CASP1: variants seen among roughly 807,000 people sequenced by gnomAD.
CASP1 encodes caspase-1.
Under a neutral mutation model 41.2 loss-of-function variants are expected in CASP1, and 31 were observed. The observed-to-expected ratio is 0.75, with a 90% CI of 0.57 to 1.02. The LOEUF (loss-of-function observed/expected upper bound fraction) is 1.02. Among genes scored for constraint, CASP1 ranks in the 50% least tolerant of loss-of-function variants. The pLI is 0.00. For missense variants in CASP1, 490 were observed against 495.7 expected, an observed-to-expected ratio of 0.99 and a Z score of 0.11; for synonymous variants, 163 against 166.5, an observed-to-expected ratio of 0.98 and a Z score of 0.16.
In CASP1 at chr11:105,026,940, A is replaced by G; in HGVS notation, c.1018T>C (p.Trp340Arg). The change falls in exon 8 of 9, where the codon TGG becomes CGG. Residue 340 changes from tryptophan (W) to arginine (R), a missense_variant. By Grantham distance (101) the Trp-to-Arg change is moderately radical. Coordinates refer to ENST00000533400, the MANE Select transcript of CASP1 (RefSeq NM_001257118.3). ...FCSSTPDNVS[W>R]RHPTMGSVFI... ...ACAGAGCCCATTGTGGGATGTCTCC[A>G]AGAAACATTATCTATGGATAAAGCA... 1.9e-6 allele frequency: 3 copies of G among 1,570,284 alleles called. No individual in the cohort carries two copies. The highest frequency in any genetic ancestry group is 2.6e-6 in the Non-Finnish European group (3 of 1,140,278).
intron 8 of CASP1, 27 bp from the exon 9 acceptor site, chr11:105,026,383 C>A: frequency 6.8e-7 from 1 of 1,473,742 alleles, no homozygotes; most frequent in Admixed American, 1.9e-5. Context: ...AGTCTGTAGC[C>A]CTTTTTTTTG....
chr11:105,028,704 C>A (rs1863476985), intron 7 of CASP1, among the ~76,000 whole-genome samples: 1 of 152,020 alleles, frequency 6.6e-6, no homozygotes. Context: ...CTAGGTAAAA[C>A]CCACTTTAAT....
chr11:105,026,790 T>C, intron 8 of CASP1, 52 bp downstream of exon 8: 1 of 909,302 alleles, frequency 1.1e-6, no homozygotes, highest in Non-Finnish European at 1.9e-6. Context: ...CCAATTGCAA[T>C]AGCCAAGCAT....
chr11:105,033,215 T>C, intron 2 of CASP1, 89 bp from the exon 3 acceptor site: 1 of 711,206 alleles, frequency 1.4e-6, no homozygotes, highest in Non-Finnish European at 2.5e-6. Flanking sequence ...ACTAAAAATT[T>C]CTCCCATAAC....
upstream of CASP1, among the ~76,000 whole-genome samples, chr11:105,036,386 G>A (rs973972393): frequency 1.3e-5 from 2 of 152,090 alleles, no homozygotes; most frequent in South Asian, 4.1e-4. Context: ...AAGAGGGAAA[G>A]ACAAACATGA....
intron 2 of CASP1, 73 bp downstream of exon 2, chr11:105,034,135 C>G (rs1457122531): frequency 1.9e-6 from 3 of 1,611,402 alleles, no homozygotes; most frequent in South Asian, 2.2e-5. Flanking sequence ...ATTAACATGA[C>G]TAGTAAAGAA....
At chr11:105,033,828 T>C in intron 2 of CASP1, 1 of 537,864 alleles carries the variant, frequency 1.9e-6, no homozygotes, top group Non-Finnish European at 3.5e-6. Context: ...TAAAGCTTCA[T>C]GTGACTTTAC....
At chr11:105,029,419 C>A in intron 6 of CASP1, 152 bp from the exon 7 acceptor site, 1 of 742,240 alleles carries the variant, frequency 1.3e-6, no homozygotes. Context: ...ATCTTTTCAA[C>A]AATGTTTATC....
At chr11:105,026,429 C>A (rs1186358215) in intron 8 of CASP1, 73 bp from the exon 9 acceptor site, 8 of 913,572 alleles carry the variant, frequency 8.8e-6, no homozygotes, top group Admixed American at 2.1e-5. Flanking sequence ...TTGAGTTATG[C>A]CAAAAAACTA....
intron 3 of CASP1, among the ~76,000 whole-genome samples, chr11:105,032,655 G>C (rs1302544433): frequency 1.3e-5 from 2 of 152,144 alleles, no homozygotes; most frequent in Non-Finnish European, 2.9e-5. Context: ...TCCCATATGA[G>C]TTTCAAGTTC....
At chr11:105,028,337 G>A (rs1319203237) in intron 7 of CASP1, among the ~76,000 whole-genome samples, 4 of 152,094 alleles carry the variant, frequency 2.6e-5, no homozygotes, top group South Asian at 2.1e-4. Context: ...GTCCTCTCAG[G>A]AAACTGCCAA....
At chr11:105,030,525 T>G in intron 4 of CASP1, 22 bp from the exon 5 acceptor site, 2 of 1,599,322 alleles carry the variant, frequency 1.3e-6, no homozygotes, top group Non-Finnish European at 1.7e-6. Context: ...GCAATTTGAA[T>G]GAACAGCCTT....
chr11:105,035,248 A>G, upstream of CASP1: 1 of 1,237,140 alleles, frequency 8.1e-7, no homozygotes, highest in Non-Finnish European at 1.2e-6. Flanking sequence ...CTTCCCATTA[A>G]AGAATCAGAA....
chr11:105,030,381 C>G lies in CASP1; in HGVS notation c.576G>C (p.Leu192=). ...AEVDITGMTM[L]LQNLGYSVDV... The stretch of plus-strand genomic sequence containing the variant: ...CTACGCTGTACCCCAGATTTTGTAG[C>G]AGCATTGTCATGCCTGTGATGTCAA... The change falls in exon 5 of 9, where the codon CTG becomes CTC. Residue 192 remains leucine (L), a synonymous_variant. Transcript: ENST00000533400. 2 of 1,613,554 alleles carry G rather than the reference C, an allele frequency of 1.2e-6. No individual in the cohort carries two copies. The highest frequency in any genetic ancestry group is 1.7e-6 in the Non-Finnish European group (2 of 1,179,668).
intron 4 of CASP1, 29 bp from the exon 5 acceptor site, chr11:105,030,532 C>T (rs1863627401): frequency 1.3e-6 from 2 of 1,583,624 alleles, no homozygotes; most frequent in East Asian, 4.5e-5. Flanking sequence ...GAATGAACAG[C>T]CTTGTTCTTT....
rs1387833129 is a variant in CASP1 at position 105,025,555 on chromosome 11, AGC to A, written c.*701_*702del. On this transcript the variant is annotated 3_prime_UTR_variant, in exon 9 of 9. Transcript: ENST00000533400. Reference sequence around the variant, plus strand: ...ATTATTTCAAAAAAGTTTATTATTCAGCAGACATAATTCCAAAAACCTTTACA... The same window carrying A: ...ATTATTTCAAAAAAGTTTATTATTCAAGACATAATTCCAAAAACCTTTACA... 4.7e-6 allele frequency: 2 copies of A among 428,612 alleles called. No individual in the cohort carries two copies. Among genetic ancestry groups the A allele is most frequent in the Non-Finnish European group, 9.1e-6 (2 of 219,260 alleles). The allele number at this position is 428,612 out of a possible 1,614,324, so 26.6% of individuals were successfully genotyped here. A position where few individuals can be genotyped will look rare whatever the true frequency, so the allele number is the denominator to read the frequency against.
intron 7 of CASP1, among the ~76,000 whole-genome samples, chr11:105,028,841 A>C (rs1395400424): frequency 6.6e-6 from 1 of 152,178 alleles, no homozygotes; most frequent in Non-Finnish European, 1.5e-5. Context: ...AGAATTTTCT[A>C]TGCAGAGTCA....
intron 2 of CASP1, among the ~76,000 whole-genome samples, chr11:105,033,564 G>A (rs1031193155): frequency 2.6e-5 from 4 of 152,238 alleles, no homozygotes; most frequent in Admixed American, 2.6e-4. Flanking sequence ...CCCTGTATTG[G>A]GCCTGAGGAG....
At chr11:105,034,719 A>G in intron 1 of CASP1, 2 of 656,722 alleles carry the variant, frequency 3.0e-6, no homozygotes, top group Non-Finnish European at 5.1e-6. Context: ...AGCAGAGATC[A>G]TCCTCTTATG....
Sources: gnomAD v4.1 joint callset for allele counts (sites outside exome capture counted in the v4.1 genomes callset) on GRCh38, gnomAD v4.1.1 for gene constraint, MANE v1.5 for transcripts, NCBI Gene and HGNC (gene_info 2026-07-23, HGNC 2026-07-21) for gene names.